The following CDH13 variants were observed in gnomAD, a reference collection of about 807,000 sequenced individuals.
CDH13 encodes the protein cadherin 13.
In CDH13, 24 loss-of-function variants were observed where a neutral mutation model predicts 63.8. The observed-to-expected ratio is 0.38, with a 90% CI of 0.27 to 0.53. The LOEUF (loss-of-function observed/expected upper bound fraction) is 0.53. Ranked by LOEUF, CDH13 falls within the 20% of genes least tolerant of loss-of-function variation. CDH13 has a pLI of 0.85. For missense variants in CDH13, 1,049 were observed against 903.1 expected, an observed-to-expected ratio of 1.16 and a Z score of -2.07; for synonymous variants, 503 against 355.3, an observed-to-expected ratio of 1.42 and a Z score of -4.67.
chr16:82,856,915 T>C (rs2039726095), intron 1 of CDH13, among the ~76,000 whole-genome samples: 3 of 152,164 alleles, frequency 2.0e-5, no homozygotes, highest in South Asian at 4.2e-4. Context: ...GGTGAGGGAA[T>C]TGGGATATTT....
chr16:83,404,001 G>A (rs937147813), intron 6 of CDH13, among the ~76,000 whole-genome samples: 8 of 152,178 alleles, frequency 5.3e-5, no homozygotes, highest in African/African-American at 1.9e-4. Context: ...AGATGATTCA[G>A]AAATGCATTT....
intron 1 of CDH13, among the ~76,000 whole-genome samples, chr16:82,741,254 T>A (rs1287135656): frequency 6.6e-6 from 1 of 152,230 alleles, no homozygotes; most frequent in Non-Finnish European, 1.5e-5. Flanking sequence ...GTCTCTTCCA[T>A]CATTCTGTGT....
chr16:83,748,079 G>C, intron 10 of CDH13, 29 bp from the exon 11 acceptor site: 1 of 1,613,302 alleles, frequency 6.2e-7, no homozygotes, highest in Non-Finnish European at 8.5e-7. Context: ...TTTGAATGCA[G>C]AGTCTGACAT....
At chr16:83,233,810 C>T (rs1336982147) in intron 5 of CDH13, among the ~76,000 whole-genome samples, 1 of 152,072 alleles carries the variant, frequency 6.6e-6, no homozygotes, top group East Asian at 1.9e-4. Context: ...TCTTCTTTAC[C>T]ATGTAACCTA....
chr16:83,068,888 G>A (rs1285921659), intron 3 of CDH13, among the ~76,000 whole-genome samples: 1 of 152,156 alleles, frequency 6.6e-6, no homozygotes, highest in Non-Finnish European at 1.5e-5. Flanking sequence ...CCAAAAGGAA[G>A]TATGGTCTTT....
intron 7 of CDH13, among the ~76,000 whole-genome samples, chr16:83,576,894 G>A (rs1229664057): frequency 2.6e-5 from 4 of 152,162 alleles, no homozygotes; most frequent in Non-Finnish European, 5.9e-5. Flanking sequence ...CTGGATAGTA[G>A]ACCCTTATCA....
intron 5 of CDH13, among the ~76,000 whole-genome samples, chr16:83,221,931 A>G (rs895916285): frequency 2.6e-5 from 4 of 152,212 alleles, no homozygotes; most frequent in Non-Finnish European, 4.4e-5. Flanking sequence ...GAAAATGGTT[A>G]TCTTGTCTTC....
At chr16:83,217,583 G>C in intron 5 of CDH13, 86 bp downstream of exon 5, 4 of 1,400,524 alleles carry the variant, frequency 2.9e-6, no homozygotes, top group African/African-American at 1.4e-5. Context: ...CATTATTTCT[G>C]TGCCTCATCA....
intron 4 of CDH13, among the ~76,000 whole-genome samples, chr16:83,158,107 C>G (rs1459974864): frequency 2.0e-5 from 3 of 152,012 alleles, no homozygotes; most frequent in African/African-American, 7.3e-5. Context: ...AGGCACTGAG[C>G]TAGGTAAATT....
In CDH13 at chr16:83,738,109, C is replaced by T. The variant is rs187763249; in HGVS notation, c.1539-9999C>T. On this transcript the variant is annotated intron_variant, in intron 10 of 13. Coordinates refer to ENST00000567109, the MANE Select transcript of CDH13 (RefSeq NM_001257.5). ...GAAAACACTCACAATGCATGATTTA[C>T]GATGTGAGGGAGCCTGCTGGCATGG... Among the ~76,000 whole-genome samples the T allele has an allele frequency of 1.5e-4, 23 of 152,306 alleles. 1 individual carries two copies. The highest frequency in any genetic ancestry group is 6.2e-4 in the South Asian group (3 of 4,814).
At chr16:83,226,148 T>A (rs1469653404) in intron 5 of CDH13, among the ~76,000 whole-genome samples, 1 of 152,152 alleles carries the variant, frequency 6.6e-6, no homozygotes, top group Non-Finnish European at 1.5e-5. Context: ...TCTGATCACC[T>A]CCACCTGACT....
chr16:83,597,760 G>C, intron 7 of CDH13, among the ~76,000 whole-genome samples: 1 of 152,098 alleles, frequency 6.6e-6, no homozygotes, highest in East Asian at 1.9e-4. Flanking sequence ...TCTCATTATA[G>C]GTGCAAAGTT....
chr16:83,446,832 T>A (rs776100689), intron 6 of CDH13, among the ~76,000 whole-genome samples: 2 of 152,076 alleles, frequency 1.3e-5, no homozygotes, highest in African/African-American at 2.4e-5. Context: ...CCAAAGTCTT[T>A]AAGCTTATCC....
rs1056645043 is a variant in CDH13 at position 83,520,449 on chromosome 16, T to C, written c.960+33794T>C. On this transcript the variant is annotated intron_variant, in intron 7 of 13. Coordinates refer to ENST00000567109, the MANE Select transcript of CDH13 (RefSeq NM_001257.5). ...TCTGGGTATTAGTTACATGGATATA[T>C]ACTTAAGTGGGCTGCAGGGTTTGCT... is the stretch of plus-strand genomic sequence containing the variant. 2.0e-5 allele frequency among the ~76,000 whole-genome samples: 3 copies of C among 152,138 alleles called. No homozygotes were observed. The East Asian group carries it at 5.8e-4, about 29-fold the overall frequency.
intron 11 of CDH13, among the ~76,000 whole-genome samples, chr16:83,763,517 G>A (rs1914141668): frequency 6.6e-6 from 1 of 152,142 alleles, no homozygotes; most frequent in Non-Finnish European, 1.5e-5. Context: ...ACTTCAGAAA[G>A]ATACCTCAGC....
intron 6 of CDH13, among the ~76,000 whole-genome samples, chr16:83,378,487 A>G (rs561663424): frequency 1.3e-5 from 2 of 152,318 alleles, no homozygotes; most frequent in Admixed American, 6.5e-5. Flanking sequence ...TTTGTCTCAT[A>G]TCTCCAATAA....
At chr16:83,602,107 C>CAAAAAAAAAAAAAAAAAAAAA (rs869202510) in intron 7 of CDH13, among the ~76,000 whole-genome samples, 2 of 7,956 alleles carry the variant, frequency 2.5e-4, no homozygotes, top group Non-Finnish European at 3.7e-4. Context: ...AGAACAACAA[C>CAAAAAAAAAAAAAAAAAAAAA]AAAAAAAAAA....
intron 5 of CDH13, among the ~76,000 whole-genome samples, chr16:83,220,144 A>G (rs2039653199): frequency 6.6e-6 from 1 of 152,210 alleles, no homozygotes; most frequent in African/African-American, 2.4e-5. Context: ...TCCGTGCTTC[A>G]TGCACTTCAG....
At chr16:83,317,645 A>T (rs977966760) in intron 5 of CDH13, among the ~76,000 whole-genome samples, 1 of 152,108 alleles carries the variant, frequency 6.6e-6, no homozygotes, top group Non-Finnish European at 1.5e-5. Context: ...TGCTAAAAAT[A>T]CAAAATTAGC....
Sources: allele counts gnomAD v4.1 joint callset (sites outside exome capture counted in the v4.1 genomes callset), GRCh38; gene constraint gnomAD v4.1.1; transcripts MANE v1.5; gene names NCBI Gene and HGNC (gene_info 2026-07-23, HGNC 2026-07-21).